Variants in PREX1 observed in about 807,000 individuals in gnomAD.
PREX1 encodes phosphatidylinositol-3,4,5-trisphosphate dependent Rac exchange factor 1.
In PREX1, 41 loss-of-function variants were observed where a neutral mutation model predicts 198.3. The ratio of observed to expected loss-of-function variants is 0.21; its 90% CI spans 0.16 to 0.27. The LOEUF is 0.27. Among genes scored for constraint, PREX1 ranks in the 10% least tolerant of loss-of-function variants. The probability of loss-of-function intolerance (pLI) is 1.00; values close to 1 mark genes in which losing one functional copy is unlikely to be tolerated. For missense variants in PREX1, 1,620 were observed against 2,200.7 expected (o/e 0.74, Z 5.28); for synonymous variants, 843 against 887.2 (o/e 0.95, Z 0.89).
intron 5 of PREX1, among the ~76,000 whole-genome samples, chr20:48,709,867 T>A (rs771570779): frequency 7.9e-5 from 12 of 152,230 alleles, no homozygotes; most frequent in Non-Finnish European, 1.6e-4. Context: ...GTAAACCAAC[T>A]TCAAACACAT....
In PREX1 at chr20:48,658,235, G is replaced by C; in HGVS notation, c.1882-7C>G. 2.5e-6 allele frequency: 4 copies of C among 1,613,624 alleles called. No homozygotes were observed. Among genetic ancestry groups the C allele is most frequent in the Non-Finnish European group, 2.5e-6 (3 of 1,179,750 alleles). ...CCTCCTCCTGGGGCAGGATCTGGGG[G>C]CCCAGGGCAGAAGGAACCCGGTCAG... On this transcript the variant is annotated splice_polypyrimidine_tract_variant and splice_region_variant and intron_variant, in intron 16 of 39. Transcript: ENST00000371941.
At chr20:48,752,158 GA>G (rs1377309490) in intron 1 of PREX1, among the ~76,000 whole-genome samples, 2 of 152,154 alleles carry the variant, frequency 1.3e-5, no homozygotes, top group Admixed American at 6.5e-5. Flanking sequence ...GTATTAAGTA[GA>G]AAAGGCAGAA....
intron 1 of PREX1, among the ~76,000 whole-genome samples, chr20:48,766,670 C>T (rs1413208539): frequency 6.6e-6 from 1 of 152,194 alleles, no homozygotes; most frequent in Non-Finnish European, 1.5e-5. Flanking sequence ...GCATAGGCTC[C>T]CATACTTAGT....
intron 5 of PREX1, among the ~76,000 whole-genome samples, chr20:48,723,393 A>T (rs926292953): frequency 5.9e-5 from 9 of 152,246 alleles, no homozygotes; most frequent in African/African-American, 2.2e-4. Context: ...TGGGGGGGAC[A>T]GAATTCCCCT....
intron 1 of PREX1, among the ~76,000 whole-genome samples, chr20:48,781,344 C>A (rs538365160): frequency 6.6e-6 from 1 of 152,294 alleles, no homozygotes; most frequent in Admixed American, 6.5e-5. Flanking sequence ...GAAGGATGTA[C>A]AAGAACTCTG....
intron 5 of PREX1, among the ~76,000 whole-genome samples, chr20:48,709,333 C>T (rs1457184988): frequency 6.6e-6 from 1 of 152,318 alleles, no homozygotes; most frequent in Admixed American, 6.5e-5. Flanking sequence ...TCTGCTCCCT[C>T]GACGATCCAG....
chr20:48,822,096 T>C (rs1471140297), intron 1 of PREX1: 1 of 152,162 alleles, frequency 6.6e-6, no homozygotes, highest in Non-Finnish European at 1.5e-5. Flanking sequence ...CTGTCTGCCA[T>C]ACATTAAAAA....
At chr20:48,791,224 G>A (rs538753519) in intron 1 of PREX1, among the ~76,000 whole-genome samples, 2 of 152,168 alleles carry the variant, frequency 1.3e-5, no homozygotes, top group African/African-American at 4.8e-5. Flanking sequence ...GAAATAAATC[G>A]TTACCTTCGC....
At chr20:48,856,152 G>C in the PREX1 span, among the ~76,000 whole-genome samples, 1 of 152,168 alleles carries the variant, frequency 6.6e-6, no homozygotes, top group Non-Finnish European at 1.5e-5. Flanking sequence ...CAGAACCCAG[G>C]GAGACAGTGG....
intron 1 of PREX1, among the ~76,000 whole-genome samples, chr20:48,782,586 G>A (rs1341421121): frequency 1.3e-5 from 2 of 152,164 alleles, no homozygotes; most frequent in African/African-American, 2.4e-5. Flanking sequence ...TAAATGTAGA[G>A]GAAAGGTTTG....
chr20:48,827,100 C>A lies in PREX1; in HGVS notation c.219+542G>T, dbSNP rs1459809797. ...TTTTGAGTTCGAAACCCACTCTCCC[C>A]GAACTCCAGCAAAAACCTGTGCATG... On this transcript the variant is annotated intron_variant, in intron 1 of 39. Coordinates refer to ENST00000371941, the MANE Select transcript of PREX1 (RefSeq NM_020820.4). This position sits in a 1 kb window ranked among gnomAD's most constrained non-coding sequence, Gnocchi z 4.1. Among the ~76,000 whole-genome samples the A allele has an allele frequency of 6.6e-6, 1 of 152,124 alleles. No individual in the cohort carries two copies. The highest frequency in any genetic ancestry group is 1.5e-5 in the Non-Finnish European group (1 of 68,014).
chr20:48,662,532 G>A (rs2089605041), intron 15 of PREX1, among the ~76,000 whole-genome samples: 1 of 152,182 alleles, frequency 6.6e-6, no homozygotes, highest in African/African-American at 2.4e-5. Context: ...ATGCTGGGGT[G>A]GCTGTGGGGA....
intron 10 of PREX1, among the ~76,000 whole-genome samples, chr20:48,686,771 C>G (rs899516406): frequency 1.3e-5 from 2 of 152,250 alleles, no homozygotes; most frequent in Admixed American, 6.5e-5. Context: ...TTGAGGGCAA[C>G]AGGGCAATAG....
chr20:48,857,086 T>C, the PREX1 span, among the ~76,000 whole-genome samples: 2 of 152,160 alleles, frequency 1.3e-5, no homozygotes, highest in Non-Finnish European at 2.9e-5. Context: ...TGATCCACAC[T>C]CCTCGGCCTC....
chr20:48,721,306 A>C (rs1601096233), intron 5 of PREX1, among the ~76,000 whole-genome samples: 1 of 152,228 alleles, frequency 6.6e-6, no homozygotes, highest in South Asian at 2.1e-4. Context: ...GCCAGCGAGC[A>C]GTGCTATGAA....
intron 1 of PREX1, among the ~76,000 whole-genome samples, chr20:48,791,762 G>A (rs1004048216): frequency 2.0e-5 from 3 of 152,214 alleles, no homozygotes; most frequent in Non-Finnish European, 4.4e-5. Context: ...CAACCCACAG[G>A]TTTGGCCCAC....
the PREX1 span, among the ~76,000 whole-genome samples, chr20:48,882,501 CAAA>C: frequency 0.045 from 2,974 of 66,552 alleles, 29 homozygotes; most frequent in African/African-American, 0.11. Flanking sequence ...GACTCCGTCT[CAAA>C]AAAAAAAAAA....
chr20:48,741,029 G>A (rs1314894684), intron 3 of PREX1, among the ~76,000 whole-genome samples: 1 of 149,132 alleles, frequency 6.7e-6, no homozygotes, highest in Admixed American at 6.6e-5. Context: ...TTTTTTTTGA[G>A]ACGGAGTCTC....
Position 48,653,371 on chromosome 20 carries a change from T to G in PREX1, c.2336A>C (p.Glu779Ala), listed in dbSNP as rs1454349955. 6.2e-7 allele frequency: 1 copy of G among 1,613,388 alleles called. No homozygotes were observed. Among genetic ancestry groups the G allele is most frequent in the East Asian group, 2.2e-5 (1 of 44,838 alleles). Residue 779 changes from glutamate (E) to alanine (A), a missense_variant, in exon 20 of 40, where the codon GAA (glutamate) becomes GCA (alanine). By Grantham distance (107) the Glu-to-Ala change is moderately radical. Coordinates refer to ENST00000371941, the MANE Select transcript of PREX1 (RefSeq NM_020820.4). ...EHFQAFRSRR[E>A]EALGLYQWIY... is the part of the protein sequence containing the mutation. ...TTCCAGTAAACTTACCAGGGCCTCT[T>G]CGCGCCGACTCCGGAATGCCTGGAA...
Sources: allele counts gnomAD v4.1 joint callset (sites outside exome capture counted in the v4.1 genomes callset), GRCh38; gene constraint gnomAD v4.1.1; non-coding constraint Gnocchi (gnomAD v3.1); transcripts MANE v1.5; gene names NCBI Gene and HGNC (gene_info 2026-07-23, HGNC 2026-07-21).